Variants in ATP6V1E1 observed in about 807,000 individuals in gnomAD.
ATP6V1E1 encodes the protein ATPase H+ transporting V1 subunit E1.
A neutral mutation model predicts 35.2 loss-of-function variants in ATP6V1E1; 21 were observed. The observed-to-expected ratio is 0.60, with a 90% CI of 0.42 to 0.86. The LOEUF (loss-of-function observed/expected upper bound fraction) is 0.86. Among genes scored for constraint, ATP6V1E1 ranks in the 40% least tolerant of loss-of-function variants. The probability of loss-of-function intolerance (pLI) is 0.00; values close to 1 mark genes in which losing one functional copy is unlikely to be tolerated. For missense variants in ATP6V1E1, 183 were observed against 272.6 expected (o/e 0.67, Z 2.32); for synonymous variants, 83 against 87.8 (o/e 0.95, Z 0.30).
intron 5 of ATP6V1E1, 78 bp from the exon 6 acceptor site, chr22:17,600,173 G>T: frequency 7.5e-7 from 1 of 1,338,068 alleles, no homozygotes; most frequent in Non-Finnish European, 1.1e-6. Flanking sequence ...AGTGGCTCAG[G>T]TCTGTAATCC....
intron 6 of ATP6V1E1, 128 bp downstream of exon 6, chr22:17,599,899 C>T: frequency 1.3e-6 from 1 of 746,596 alleles, no homozygotes; most frequent in Non-Finnish European, 2.2e-6. Flanking sequence ...GCACTCCATC[C>T]TGGACAACAG....
At chr22:17,608,769 A>G (rs932727727) in intron 4 of ATP6V1E1, among the ~76,000 whole-genome samples, 13 of 152,224 alleles carry the variant, frequency 8.5e-5, no homozygotes, top group African/African-American at 3.1e-4. Flanking sequence ...TGTATTTTGG[A>G]AAACTATCCT....
rs1304278295 is a variant in ATP6V1E1, at chr22:17,628,686, A to C, written c.-51T>G. 6.2e-7 allele frequency: 1 copy of C among 1,612,592 alleles called. No homozygotes were observed. The highest frequency in any genetic ancestry group is 8.5e-7 in the Non-Finnish European group (1 of 1,178,862). Reference sequence around the variant, plus strand: ...ACAGTAGGCTCGAGTTTAGGTTTGAAAGGTGAGGTGAGAGAAATCGGCAAA... The same window carrying C: ...ACAGTAGGCTCGAGTTTAGGTTTGACAGGTGAGGTGAGAGAAATCGGCAAA... On this transcript the variant is annotated 5_prime_UTR_variant, in exon 1 of 9. Coordinates refer to ENST00000253413, the MANE Select transcript of ATP6V1E1 (RefSeq NM_001696.4).
chr22:17,594,503 C>T lies in ATP6V1E1; in HGVS notation c.618+26G>A, dbSNP rs1483392763. 4 of 1,501,250 alleles carry T rather than the reference C, an allele frequency of 2.7e-6. No individual in the cohort carries two copies. In the East Asian group the frequency reaches 9.5e-5, roughly 36 times the overall value. The allele number at this position is 1,501,250 out of a possible 1,614,324, so 93.0% of individuals were successfully genotyped here. On this transcript the variant is annotated intron_variant, in intron 8 of 8. Transcript: ENST00000253413. The stretch of plus-strand genomic sequence containing the variant: ...CCACTTCAAAGTAACAGCAGACCAA[C>T]TACCAAGAAGTACCCCCACACTCAC...
intron 4 of ATP6V1E1, among the ~76,000 whole-genome samples, chr22:17,604,589 G>A (rs1294533260): frequency 1.3e-5 from 2 of 150,248 alleles, no homozygotes; most frequent in Non-Finnish European, 3.0e-5. Context: ...GTACGATCTC[G>A]GCTCACTGCA....
intron 6 of ATP6V1E1, among the ~76,000 whole-genome samples, chr22:17,599,104 G>C (rs181298420): frequency 8.2e-4 from 125 of 152,162 alleles, no homozygotes; most frequent in African/African-American, 2.7e-3. Flanking sequence ...AGGTGAATGG[G>C]GGAGAAGAGA....
intron 4 of ATP6V1E1, among the ~76,000 whole-genome samples, chr22:17,612,274 T>A (rs1442451463): frequency 3.3e-5 from 5 of 152,028 alleles, no homozygotes; most frequent in Non-Finnish European, 7.4e-5. Flanking sequence ...ATGAATATAA[T>A]CCAAATAGCT....
chr22:17,597,958 T>C (rs2146296329), intron 7 of ATP6V1E1: 1 of 488,754 alleles, frequency 2.0e-6, no homozygotes, highest in South Asian at 2.4e-5. Flanking sequence ...ATTACAGGCG[T>C]GAGCCACCGC....
chr22:17,600,959 A>C, intron 5 of ATP6V1E1, 133 bp downstream of exon 5: 1 of 714,176 alleles, frequency 1.4e-6, no homozygotes, highest in Non-Finnish European at 2.3e-6. Flanking sequence ...AAAAGCTAAA[A>C]GAAAAAAAAA....
At chr22:17,618,068 C>T (rs1395042645) in intron 2 of ATP6V1E1, among the ~76,000 whole-genome samples, 2 of 152,166 alleles carry the variant, frequency 1.3e-5, no homozygotes, top group African/African-American at 4.8e-5. Context: ...CCTTGGCCTC[C>T]CAAAGTGCTG....
intron 2 of ATP6V1E1, among the ~76,000 whole-genome samples, chr22:17,615,671 G>GGGT (rs1165473588): frequency 1.3e-5 from 2 of 150,760 alleles, no homozygotes; most frequent in East Asian, 4.0e-4. Context: ...AGGCCAAGGC[G>GGGT]GGTGGATCAT....
chr22:17,605,831 T>G lies in ATP6V1E1; in HGVS notation c.277-4650A>C, dbSNP rs2057784548. ...CACCACCACGCCTGGCTACATTTTT[T>G]TAATTTTTAGTAGAGACAAGGTCTT... On this transcript the variant is annotated intron_variant, in intron 4 of 8. Transcript: ENST00000253413. Among the ~76,000 whole-genome samples, 3 of 151,974 alleles carry G rather than the reference T, an allele frequency of 2.0e-5. No homozygotes were observed. The South Asian group carries it at 6.3e-4, about 32-fold the overall frequency.
intron 1 of ATP6V1E1, among the ~76,000 whole-genome samples, chr22:17,624,979 T>A (rs774629701): frequency 6.6e-6 from 1 of 152,156 alleles, no homozygotes; most frequent in Admixed American, 6.6e-5. Context: ...TAAGAGTATA[T>A]GGAGGGCATT....
chr22:17,603,771 G>A (rs1601378531), intron 4 of ATP6V1E1, among the ~76,000 whole-genome samples: 1 of 152,166 alleles, frequency 6.6e-6, no homozygotes, highest in East Asian at 1.9e-4. Context: ...AAACATTTCA[G>A]ATAAGGGATA....
rs574351067 is a variant in ATP6V1E1, at chr22:17,605,456, G to A, written c.277-4275C>T. On this transcript the variant is annotated intron_variant, in intron 4 of 8. Coordinates refer to ENST00000253413, the MANE Select transcript of ATP6V1E1 (RefSeq NM_001696.4). ...GAGGCAGGAGAATCACTTGAACCCA[G>A]GAGGCGGGGGGTGCAGTGAGCCGAG... Among the ~76,000 whole-genome samples, 7 of 152,126 alleles carry A rather than the reference G, an allele frequency of 4.6e-5. No homozygotes were observed. The South Asian group carries it at 1.5e-3, about 32-fold the overall frequency.
chr22:17,626,430 A>C (rs1412357332), intron 1 of ATP6V1E1, among the ~76,000 whole-genome samples: 1 of 152,028 alleles, frequency 6.6e-6, no homozygotes, highest in Non-Finnish European at 1.5e-5. Flanking sequence ...GATGGAGCAC[A>C]GTGGCATGAT....
chr22:17,594,404 T>C (rs1185317922), intron 8 of ATP6V1E1, 125 bp downstream of exon 8: 1 of 779,228 alleles, frequency 1.3e-6, no homozygotes, highest in African/African-American at 1.8e-5. Flanking sequence ...TCTCATTCTT[T>C]TTGAGAAAAT....
chr22:17,604,871 A>G (rs1416945507), intron 4 of ATP6V1E1, among the ~76,000 whole-genome samples: 1 of 152,138 alleles, frequency 6.6e-6, no homozygotes, highest in Non-Finnish European at 1.5e-5. Flanking sequence ...TCTCCACTTC[A>G]GTACCAATGT....
chr22:17,606,696 A>C (rs1316151366), intron 4 of ATP6V1E1, among the ~76,000 whole-genome samples: 1 of 152,046 alleles, frequency 6.6e-6, no homozygotes, highest in African/African-American at 2.4e-5. Flanking sequence ...TCAGCTCCTC[A>C]CCTCACACGC....
Sources: gnomAD v4.1 joint callset for allele counts (sites outside exome capture counted in the v4.1 genomes callset) on GRCh38, gnomAD v4.1.1 for gene constraint, MANE v1.5 for transcripts, NCBI Gene and HGNC (gene_info 2026-07-23, HGNC 2026-07-21) for gene names.